ZNF804A: variants seen among roughly 807,000 people sequenced by gnomAD.
ZNF804A encodes the protein zinc finger protein 804A.
A neutral mutation model predicts 16.5 loss-of-function variants in ZNF804A; 2 were observed. The ratio of observed to expected loss-of-function variants is 0.12; its 90% CI spans 0.05 to 0.38. ZNF804A has a LOEUF of 0.38. Among genes scored for constraint, ZNF804A ranks in the 10% least tolerant of loss-of-function variants. The probability of loss-of-function intolerance (pLI) is 0.99; values close to 1 mark genes in which losing one functional copy is unlikely to be tolerated. For synonymous variants in ZNF804A, 534 were observed against 489.6 expected, an observed-to-expected ratio of 1.09 and a Z score of -1.20; for missense variants, 1,473 against 1,390.7, an observed-to-expected ratio of 1.06 and a Z score of -0.94.
intron 1 of ZNF804A, among the ~76,000 whole-genome samples, chr2:184,835,640 A>G (rs1041289213): frequency 1.3e-5 from 2 of 151,210 alleles, no homozygotes; most frequent in Admixed American, 1.3e-4. Context: ...AGAGAGAAAT[A>G]ATTCATTTAG....
At chr2:184,600,792 T>G (rs539620973) in intron 1 of ZNF804A, among the ~76,000 whole-genome samples, 1 of 152,350 alleles carries the variant, frequency 6.6e-6, no homozygotes, top group African/African-American at 2.4e-5. Flanking sequence ...TAGTTGAATT[T>G]GCTTATGCTG....
At chr2:184,830,518 C>A (rs943376417) in intron 1 of ZNF804A, among the ~76,000 whole-genome samples, 1 of 152,052 alleles carries the variant, frequency 6.6e-6, no homozygotes, top group East Asian at 1.9e-4. Context: ...AAGATTCTAT[C>A]ATTTGAGACA....
chr2:184,826,804 T>TGTATAA (rs2105793468), intron 1 of ZNF804A, among the ~76,000 whole-genome samples: 1 of 152,226 alleles, frequency 6.6e-6, no homozygotes, highest in South Asian at 2.1e-4. Context: ...TTACACTGCA[T>TGTATAA]GTATATTTTT....
intron 1 of ZNF804A, among the ~76,000 whole-genome samples, chr2:184,693,307 A>G (rs1176508452): frequency 1.3e-5 from 2 of 152,182 alleles, no homozygotes; most frequent in Non-Finnish European, 2.9e-5. Context: ...TTTAAAAACC[A>G]TATATGGCAT....
rs12616039 is a variant in ZNF804A, at chr2:184,678,371, G to A, written c.111+79301G>A. ...TCAAAACCGAATTAAGTTTAATATA[G>A]GAATGATTTTCTGTATTATCATGCT... On this transcript the variant is annotated intron_variant, in intron 1 of 3. Transcript: ENST00000302277. 1.1e-4 allele frequency among the ~76,000 whole-genome samples: 16 copies of A among 152,134 alleles called. No individual in the cohort carries two copies. The East Asian group carries it at 2.9e-3, about 28-fold the overall frequency.
chr2:184,806,279 T>G (rs931436990), intron 1 of ZNF804A, among the ~76,000 whole-genome samples: 3 of 152,070 alleles, frequency 2.0e-5, no homozygotes, highest in South Asian at 2.1e-4. Flanking sequence ...ACATTCGTAG[T>G]CTTTTTCCCT....
rs185987895 is a variant in ZNF804A at position 184,912,232 on chromosome 2, A to G, written c.256-21371A>G. On this transcript the variant is annotated intron_variant, in intron 2 of 3. Coordinates refer to ENST00000302277, the MANE Select transcript of ZNF804A (RefSeq NM_194250.2). ...TAGCTATTCTGAATATTGCATGTAA[A>G]TTGAATTATACAGTATATGACCTTT... is the stretch of plus-strand genomic sequence containing the variant. Among the ~76,000 whole-genome samples, 16 of 152,144 alleles carry G rather than the reference A, an allele frequency of 1.1e-4. No homozygotes were observed. In the East Asian group the frequency reaches 2.5e-3, roughly 24 times the overall value.
chr2:184,910,797 C>T (rs566490459), intron 2 of ZNF804A, among the ~76,000 whole-genome samples: 1 of 151,984 alleles, frequency 6.6e-6, no homozygotes, highest in African/African-American at 2.4e-5. Flanking sequence ...CTGGATGTGT[C>T]TTTTGCACAC....
chr2:184,735,735 G>GT (rs1366039066), intron 1 of ZNF804A, among the ~76,000 whole-genome samples: 1 of 152,108 alleles, frequency 6.6e-6, no homozygotes, highest in Non-Finnish European at 1.5e-5. Context: ...TAAAACAGTG[G>GT]TTTTCCAAGA....
At chr2:184,747,859 A>G (rs890873750) in intron 1 of ZNF804A, among the ~76,000 whole-genome samples, 7 of 151,108 alleles carry the variant, frequency 4.6e-5, no homozygotes, top group African/African-American at 7.3e-5. Flanking sequence ...TCTCTTCTAT[A>G]TGTGCTCAAT....
At chr2:184,813,993 CTTTTTTT>C (rs1163432699) in intron 1 of ZNF804A, among the ~76,000 whole-genome samples, 1 of 49,184 alleles carries the variant, frequency 2.0e-5, no homozygotes, top group Non-Finnish European at 3.7e-5. Flanking sequence ...AGAAAGGCAG[CTTTTTTT>C]TTTTTTTTTT....
intron 2 of ZNF804A, among the ~76,000 whole-genome samples, chr2:184,871,661 G>T (rs1009121695): frequency 6.6e-6 from 1 of 151,832 alleles, no homozygotes; most frequent in Non-Finnish European, 1.5e-5. Context: ...TAACATCAAA[G>T]AACCTTTTAG....
At chr2:184,753,551 C>A (rs1290205831) in intron 1 of ZNF804A, among the ~76,000 whole-genome samples, 1 of 151,762 alleles carries the variant, frequency 6.6e-6, no homozygotes, top group Non-Finnish European at 1.5e-5. Context: ...GCCTGTGATA[C>A]TGTACCACTG....
chr2:184,896,147 A>C (rs2105824753), intron 2 of ZNF804A, among the ~76,000 whole-genome samples: 1 of 152,242 alleles, frequency 6.6e-6, no homozygotes, highest in East Asian at 1.9e-4. Flanking sequence ...AGACTCACAC[A>C]AAACACGACC....
At chr2:184,812,266 C>T (rs1694912940) in intron 1 of ZNF804A, among the ~76,000 whole-genome samples, 1 of 152,108 alleles carries the variant, frequency 6.6e-6, no homozygotes, top group South Asian at 2.1e-4. Context: ...GTTCGCCAAC[C>T]ACACATTGTC....
intron 1 of ZNF804A, among the ~76,000 whole-genome samples, chr2:184,749,469 C>A (rs1253044522): frequency 6.6e-6 from 1 of 151,124 alleles, no homozygotes; most frequent in Non-Finnish European, 1.5e-5. Context: ...GTTCTAGTAG[C>A]CTTTTGCCAG....
chr2:184,630,812 T>A (rs1691594130), intron 1 of ZNF804A, among the ~76,000 whole-genome samples: 1 of 152,062 alleles, frequency 6.6e-6, no homozygotes, highest in Non-Finnish European at 1.5e-5. Flanking sequence ...CAAGAGCTGT[T>A]GAGGCACTTG....
At chr2:184,802,106 G>A (rs1339152659) in intron 1 of ZNF804A, among the ~76,000 whole-genome samples, 1 of 152,140 alleles carries the variant, frequency 6.6e-6, no homozygotes, top group Non-Finnish European at 1.5e-5. Flanking sequence ...ACCTGTTCAT[G>A]GTAGTAAGGT....
In ZNF804A at chr2:184,598,581, T is replaced by C. The variant is rs1690988865; in HGVS notation, c.-379T>C. ...GGGATGCTGCCGCCGCCGCCGCTTC[T>C]GCTGCCGCGCGGGCGGCTCCCGCAG... On this transcript the variant is annotated 5_prime_UTR_variant, in exon 1 of 4. Coordinates refer to ENST00000302277, the MANE Select transcript of ZNF804A (RefSeq NM_194250.2). The C allele has an allele frequency of 6.2e-6, 1 of 160,506 alleles. No homozygotes were observed. Among genetic ancestry groups the C allele is most frequent in the African/African-American group, 2.4e-5 (1 of 41,688 alleles). 9.9% of individuals were successfully genotyped at this position (160,506 alleles called of 1,614,324 possible).
Sources: gnomAD v4.1 joint callset for allele counts (sites outside exome capture counted in the v4.1 genomes callset) on GRCh38, gnomAD v4.1.1 for gene constraint, MANE v1.5 for transcripts, NCBI Gene and HGNC (gene_info 2026-07-23, HGNC 2026-07-21) for gene names.